The following SOX6 variants were observed in gnomAD, a reference collection of about 807,000 sequenced individuals.
The protein encoded by SOX6 is transcription factor SOX-6.
In SOX6, 11 loss-of-function variants were observed where a neutral mutation model predicts 97.8. The observed-to-expected ratio is 0.11, with a 90% CI of 0.07 to 0.19. The LOEUF is 0.19. Ranked by LOEUF, SOX6 falls within the 10% of genes least tolerant of loss-of-function variation. The pLI is 1.00. For synonymous variants in SOX6, 360 were observed against 371.4 expected (o/e 0.97, Z 0.35); for missense variants, 810 against 1,039.5 (o/e 0.78, Z 3.04).
intron 12 of SOX6, 97 bp downstream of exon 12, chr11:16,046,416 TC>T (rs2133907863): frequency 7.4e-7 from 1 of 1,350,790 alleles, no homozygotes; most frequent in African/African-American, 1.4e-5. Flanking sequence ...GAAGCCCAAA[TC>T]TATGGCTGCA....
chr11:16,674,280 T>C (rs547755764), intron 3 of SOX6, among the ~76,000 whole-genome samples: 2 of 149,792 alleles, frequency 1.3e-5, no homozygotes, highest in African/African-American at 2.5e-5. Flanking sequence ...AATCAGTCAA[T>C]AGAATGAAGG....
intron 4 of SOX6, among the ~76,000 whole-genome samples, chr11:16,565,587 C>A (rs1263936613): frequency 3.0e-4 from 46 of 152,024 alleles, no homozygotes; most frequent in Admixed American, 3.0e-3. Context: ...AACACACTCT[C>A]TTCTTGACAG....
chr11:16,716,905 G>A (rs751457120), intron 2 of SOX6, among the ~76,000 whole-genome samples: 13 of 152,034 alleles, frequency 8.6e-5, no homozygotes, highest in Non-Finnish European at 1.8e-4. Flanking sequence ...GGGGGTCATA[G>A]TAATTGGGAA....
At chr11:16,627,600 T>G (rs998730232) in intron 3 of SOX6, among the ~76,000 whole-genome samples, 2 of 152,246 alleles carry the variant, frequency 1.3e-5, no homozygotes, top group Non-Finnish European at 2.9e-5. Context: ...TGCCTTCTTT[T>G]GAGAAGTGTC....
At chr11:16,608,143 G>A (rs1848357300) in intron 4 of SOX6, among the ~76,000 whole-genome samples, 1 of 151,988 alleles carries the variant, frequency 6.6e-6, no homozygotes, top group South Asian at 2.1e-4. Flanking sequence ...AGCTCTATTG[G>A]GGCTAGGGCT....
chr11:16,240,638 A>G (rs1853167791), intron 3 of SOX6, among the ~76,000 whole-genome samples: 1 of 152,048 alleles, frequency 6.6e-6, no homozygotes, highest in African/African-American at 2.4e-5. Flanking sequence ...ATTGTTCAAA[A>G]GCAACTTCTG....
intron 12 of SOX6, among the ~76,000 whole-genome samples, chr11:16,044,942 A>G (rs1298033354): frequency 6.8e-6 from 1 of 146,708 alleles, no homozygotes; most frequent in Admixed American, 6.9e-5. Context: ...GTTCAAATTT[A>G]TCTATCTATC....
intron 4 of SOX6, among the ~76,000 whole-genome samples, chr11:16,539,038 A>G (rs1248665143): frequency 6.6e-6 from 1 of 152,222 alleles, no homozygotes; most frequent in Non-Finnish European, 1.5e-5. Context: ...TCAGCACCAC[A>G]TCGCACTTAT....
At chr11:16,589,089 T>C (rs1307037735) in intron 4 of SOX6, among the ~76,000 whole-genome samples, 1 of 152,166 alleles carries the variant, frequency 6.6e-6, no homozygotes, top group Non-Finnish European at 1.5e-5. Flanking sequence ...GATCAATCTG[T>C]AGTCCTACTT....
chr11:16,449,323 C>T (rs547541143), intron 1 of SOX6, among the ~76,000 whole-genome samples: 27 of 115,480 alleles, frequency 2.3e-4, no homozygotes, highest in African/African-American at 5.0e-4. Context: ...GACGGAGTCT[C>T]GCTGTGTCGC....
At chr11:16,292,903 CA>C (rs1335819498) in intron 3 of SOX6, among the ~76,000 whole-genome samples, 2 of 152,098 alleles carry the variant, frequency 1.3e-5, no homozygotes, top group African/African-American at 2.4e-5. Context: ...CAAAGCAAAC[CA>C]AAAGACAGAT....
At chr11:16,404,453 A>G (rs1042360060) in intron 1 of SOX6, among the ~76,000 whole-genome samples, 6 of 151,968 alleles carry the variant, frequency 3.9e-5, no homozygotes, top group Non-Finnish European at 7.4e-5. Context: ...TATTAAATAT[A>G]CTTTTATTGT....
chr11:16,297,473 T>A (rs752675191), intron 3 of SOX6, among the ~76,000 whole-genome samples: 1 of 152,178 alleles, frequency 6.6e-6, no homozygotes, highest in African/African-American at 2.4e-5. Context: ...AAAGTGCCCA[T>A]ATTGTAAGGC....
intron 3 of SOX6, among the ~76,000 whole-genome samples, chr11:16,694,851 T>C (rs964595082): frequency 6.6e-6 from 1 of 152,236 alleles, no homozygotes; most frequent in African/African-American, 2.4e-5. Flanking sequence ...AGAATGGTTG[T>C]ATCTGTACTG....
intron 6 of SOX6, among the ~76,000 whole-genome samples, chr11:16,173,992 C>T (rs1240455554): frequency 6.6e-6 from 1 of 150,960 alleles, no homozygotes; most frequent in African/African-American, 2.4e-5. Flanking sequence ...ACTACAGATG[C>T]ATGCCATCAC....
chr11:16,154,270 A>G (rs558993196), intron 6 of SOX6, among the ~76,000 whole-genome samples: 1 of 152,330 alleles, frequency 6.6e-6, no homozygotes, highest in South Asian at 2.1e-4. Flanking sequence ...AAGAAGCACA[A>G]TTGGACAGTG....
chr11:16,484,336 C>T (rs1222514704), intron 4 of SOX6: 2 of 868,758 alleles, frequency 2.3e-6, no homozygotes, highest in African/African-American at 3.3e-5. Flanking sequence ...AGCCAGTTGG[C>T]CAGTGAATAA....
intron 3 of SOX6, among the ~76,000 whole-genome samples, chr11:16,252,695 C>G (rs1056911277): frequency 2.6e-5 from 4 of 152,096 alleles, no homozygotes; most frequent in African/African-American, 9.7e-5. Flanking sequence ...TTTTCCAGAG[C>G]CTAACCTGCT....
chr11:16,580,834 C>A (rs1184618919), intron 4 of SOX6, among the ~76,000 whole-genome samples: 7 of 152,010 alleles, frequency 4.6e-5, no homozygotes, highest in Non-Finnish European at 1.5e-5. Context: ...TGGCCAACAA[C>A]ATATGAAAAA....
Sources: allele counts gnomAD v4.1 joint callset (sites outside exome capture counted in the v4.1 genomes callset), GRCh38; gene constraint gnomAD v4.1.1; transcripts MANE v1.5; gene names NCBI Gene and HGNC (gene_info 2026-07-23, HGNC 2026-07-21).